The following ACP6 variants were observed in gnomAD, a reference collection of about 807,000 sequenced individuals.
ACP6 encodes acid phosphatase 6, lysophosphatidic.
A neutral mutation model predicts 48.1 loss-of-function variants in ACP6; 48 were observed. The ratio of observed to expected loss-of-function variants is 1.00; its 90% CI spans 0.79 to 1.27. ACP6 has a LOEUF of 1.27. ACP6 is among the 50% of genes most tolerant of loss of function. The pLI is 0.00. For synonymous variants in ACP6, 172 were observed against 204.2 expected, an observed-to-expected ratio of 0.84 and a Z score of 1.34; for missense variants, 485 against 529.1, an observed-to-expected ratio of 0.92 and a Z score of 0.82.
intron 4 of ACP6, among the ~76,000 whole-genome samples, chr1:147,658,183 C>T (rs1553212034): frequency 6.6e-6 from 1 of 152,184 alleles, no homozygotes; most frequent in African/African-American, 2.4e-5. Flanking sequence ...ATTCCTCTTT[C>T]CTGAAGGTTC....
At chr1:147,639,029 A>G (rs1319401551), downstream of ACP6, among the ~76,000 whole-genome samples, 4 of 152,054 alleles carry the variant, frequency 2.6e-5, no homozygotes, top group African/African-American at 7.2e-5. Flanking sequence ...GCTGAATTTT[A>G]AATTTTTTGT....
chr1:147,653,171 C>A (rs1660050041), intron 6 of ACP6, among the ~76,000 whole-genome samples: 1 of 151,872 alleles, frequency 6.6e-6, no homozygotes, highest in Non-Finnish European at 1.5e-5. Flanking sequence ...TGCCCTGTCA[C>A]CCAGGTTGGA....
intron 6 of ACP6, 69 bp from the exon 7 acceptor site, chr1:147,652,618 T>G (rs1208263023): frequency 6.2e-7 from 1 of 1,610,552 alleles, no homozygotes; most frequent in African/African-American, 1.3e-5. Flanking sequence ...CTGATCAGCT[T>G]CCATGGAACC....
At chr1:147,634,437 G>GT (rs3045326) in intron 5 of ACP6, among the ~76,000 whole-genome samples, 116,880 of 150,080 alleles carry the variant, frequency 0.78, 46,800 homozygotes, top group Non-Finnish European at 0.88. Context: ...ATGCCTAAAA[G>GT]TTTTTTTTTT....
exon 6 of ACP6, chr1:147,630,638 C>G (rs1380927617): frequency 6.6e-6 from 1 of 152,378 alleles, no homozygotes; most frequent in Non-Finnish European, 1.5e-5. Context: ...TTTACGGGCT[C>G]TGGAGTACTG....
intron 8 of ACP6, among the ~76,000 whole-genome samples, chr1:147,648,949 G>T (rs1432904621): frequency 6.6e-6 from 1 of 152,122 alleles, no homozygotes; most frequent in Non-Finnish European, 1.5e-5. Flanking sequence ...CCATCTCTTA[G>T]GAAAGACCAA....
chr1:147,657,554 G>T (rs1553211896), intron 4 of ACP6, among the ~76,000 whole-genome samples: 2 of 152,076 alleles, frequency 1.3e-5, no homozygotes, highest in Admixed American at 1.3e-4. Flanking sequence ...CTGAATAGCT[G>T]GGATTACAGG....
intron 5 of ACP6, among the ~76,000 whole-genome samples, chr1:147,631,582 G>A (rs587613481): frequency 6.6e-5 from 10 of 152,280 alleles, no homozygotes; most frequent in Admixed American, 1.3e-4. Flanking sequence ...TTGGGAGGCC[G>A]AGGTGGGTGG....
chr1:147,650,128 T>A lies in ACP6; in HGVS notation c.977+15A>T. ...GGCCCTTAGCTGCACAAAGCAGAGT[T>A]GCTGTGCCAGGTACCTGATCTTGTC... On this transcript the variant is annotated intron_variant, in intron 8 of 9. Transcript: ENST00000583509. 1 of 1,602,650 alleles carries A rather than the reference T, an allele frequency of 6.2e-7. No individual in the cohort carries two copies. The highest frequency in any genetic ancestry group is 8.5e-7 in the Non-Finnish European group (1 of 1,173,840).
chr1:147,653,252 T>C (rs1445250669), intron 6 of ACP6, among the ~76,000 whole-genome samples: 1 of 151,746 alleles, frequency 6.6e-6, no homozygotes, highest in Admixed American at 6.6e-5. Flanking sequence ...TGCCTCAGCC[T>C]CCTGAGTGGC....
chr1:147,668,568 T>C (rs2148919161), intron 1 of ACP6, among the ~76,000 whole-genome samples: 1 of 151,812 alleles, frequency 6.6e-6, no homozygotes, highest in South Asian at 2.1e-4. Context: ...CAAGAATAAA[T>C]AGAGAAGAAT....
At chr1:147,650,028 T>C in intron 8 of ACP6, 115 bp downstream of exon 8, 1 of 814,900 alleles carries the variant, frequency 1.2e-6, no homozygotes, top group Non-Finnish European at 2.0e-6. Flanking sequence ...GTTAAACATC[T>C]ACCTTCGGTC....
intron 5 of ACP6, among the ~76,000 whole-genome samples, chr1:147,636,863 G>C (rs2101642400): frequency 6.6e-6 from 1 of 152,286 alleles, no homozygotes; most frequent in South Asian, 2.1e-4. Flanking sequence ...GGACACCCAG[G>C]GACCCCTCTT....
chr1:147,629,966 T>C (rs1463896486), exon 6 of ACP6: 5 of 152,234 alleles, frequency 3.3e-5, no homozygotes, highest in African/African-American at 1.2e-4. Flanking sequence ...AGTGTATGTA[T>C]GACCATAGAA....
chr1:147,665,731 A>G (rs587741025), intron 1 of ACP6, among the ~76,000 whole-genome samples: 1 of 152,254 alleles, frequency 6.6e-6, no homozygotes, highest in Non-Finnish European at 1.5e-5. Flanking sequence ...TGTTAGGCAC[A>G]TTCACCAAGA....
downstream of ACP6, among the ~76,000 whole-genome samples, chr1:147,639,555 C>T (rs1201506920): frequency 6.6e-6 from 1 of 152,162 alleles, no homozygotes; most frequent in African/African-American, 2.4e-5. Context: ...TCAGTTCCTC[C>T]CAAGCTCAGC....
intron 1 of ACP6, among the ~76,000 whole-genome samples, chr1:147,662,698 C>T (rs1443757242): frequency 6.6e-6 from 1 of 152,218 alleles, no homozygotes; most frequent in Admixed American, 6.5e-5. Flanking sequence ...AGTGTGAACA[C>T]TGTTGAAATT....
Position 147,646,664 on chromosome 1 carries a change from G to C in ACP6, c.*759C>G, listed in dbSNP as rs879981353. On this transcript the variant is annotated 3_prime_UTR_variant, in exon 10 of 10. Transcript: ENST00000583509. Reference sequence around the variant, plus strand: ...TCCAGCCTTACCATTGCAGAGCCCTGGGGCCCACATTTGTTTCTGGAACTA... The same window carrying C: ...TCCAGCCTTACCATTGCAGAGCCCTCGGGCCCACATTTGTTTCTGGAACTA... 6.6e-6 allele frequency: 1 copy of C among 152,202 alleles called. No homozygotes were observed. Among genetic ancestry groups the C allele is most frequent in the Non-Finnish European group, 1.5e-5 (1 of 68,106 alleles). 9.4% of individuals were successfully genotyped at this position (152,202 alleles called of 1,614,324 possible). A position where few individuals can be genotyped will look rare whatever the true frequency, so the allele number is the denominator to read the frequency against.
At position 147,664,515 on chromosome 1, in the gene ACP6, G is replaced by C. The variant is rs188404371; in HGVS notation, c.220-4740C>G. On this transcript the variant is annotated intron_variant, in intron 1 of 9. Coordinates refer to ENST00000583509, the MANE Select transcript of ACP6 (RefSeq NM_016361.5). ...TTATGCTTTCACAGTAGCTTCAGTG[G>C]CTCTCTTTAGTAGCCTTTACCAAAG... Among the ~76,000 whole-genome samples, 21 of 152,236 alleles carry C rather than the reference G, an allele frequency of 1.4e-4. No homozygotes were observed. In the East Asian group the frequency reaches 3.9e-3, roughly 28 times the overall value.
Sources: allele counts gnomAD v4.1 joint callset (sites outside exome capture counted in the v4.1 genomes callset), GRCh38; gene constraint gnomAD v4.1.1; transcripts MANE v1.5; gene names NCBI Gene and HGNC (gene_info 2026-07-23, HGNC 2026-07-21).